The following LUZP2 variants were observed in gnomAD, a reference collection of about 807,000 sequenced individuals.
The protein encoded by LUZP2 is leucine zipper protein 2.
LUZP2 carries 52 observed loss-of-function variants against 51.6 expected under a neutral mutation model. The observed-to-expected ratio is 1.01, with a 90% confidence interval of 0.81 to 1.27. The LOEUF is 1.27. Among genes scored for constraint, LUZP2 ranks in the 50% most tolerant of loss-of-function variants. LUZP2 has a pLI of 0.00. For missense variants in LUZP2, 436 were observed against 395.4 expected (o/e 1.10, Z -0.87); for synonymous variants, 154 against 137.3 (o/e 1.12, Z -0.85).
intron 6 of LUZP2, among the ~76,000 whole-genome samples, chr11:24,908,758 C>CTT (rs34476662): frequency 7.3e-5 from 10 of 137,586 alleles, no homozygotes; most frequent in Non-Finnish European, 1.4e-4. Flanking sequence ...TGTTTTTTTT[C>CTT]TTTTTTTTTT....
At chr11:25,075,078 A>G (rs1242671498) in intron 10 of LUZP2, among the ~76,000 whole-genome samples, 1 of 152,204 alleles carries the variant, frequency 6.6e-6, no homozygotes, top group Admixed American at 6.5e-5. Flanking sequence ...TAATAAAAAC[A>G]GCAGCCAATT....
chr11:24,820,666 A>G (rs1850330337), intron 5 of LUZP2, among the ~76,000 whole-genome samples: 4 of 152,132 alleles, frequency 2.6e-5, no homozygotes. Flanking sequence ...TTAATGACTC[A>G]CTGGAAAAGG....
intron 9 of LUZP2, among the ~76,000 whole-genome samples, chr11:25,024,660 G>A (rs2133979839): frequency 6.6e-6 from 1 of 152,192 alleles, no homozygotes; most frequent in African/African-American, 2.4e-5. Context: ...ACAAACAAAT[G>A]GAAGAACATT....
At chr11:24,578,643 C>A (rs7118822) in intron 1 of LUZP2, among the ~76,000 whole-genome samples, 59,856 of 151,518 alleles carry the variant, frequency 0.4, 12,057 homozygotes, top group Middle Eastern at 0.52. Context: ...AACATGGATG[C>A]AGCTGGAGGC....
Position 25,078,655 on chromosome 11 carries a change from G to A in LUZP2, c.1038G>A (p.Leu346=), listed in dbSNP as rs1444585301. 1 of 1,595,862 alleles carries A rather than the reference G, an allele frequency of 6.3e-7. No homozygotes were observed. Among genetic ancestry groups the A allele is most frequent in the South Asian group, 1.1e-5 (1 of 87,970 alleles). Residue 346 remains leucine, a synonymous_variant, in exon 12 of 12, where the codon CTG becomes CTA. Transcript: ENST00000336930. ...EGMAAREEKI[L] ...TGGCAGCTAGAGAAGAAAAAATACT[G>A]TAAATACTAAGAAACTGTGTTAAAA...
intron 5 of LUZP2, among the ~76,000 whole-genome samples, chr11:24,886,609 G>A (rs909898862): frequency 6.6e-6 from 1 of 152,090 alleles, no homozygotes; most frequent in South Asian, 2.1e-4. Context: ...ATTTTAAAAT[G>A]CATTAGTCTG....
chr11:24,936,570 G>A (rs554388525), intron 7 of LUZP2, among the ~76,000 whole-genome samples: 1 of 151,312 alleles, frequency 6.6e-6, no homozygotes. Context: ...AATAATGACT[G>A]TTGGAGAAGC....
chr11:24,670,227 A>G (rs7944845), intron 1 of LUZP2, among the ~76,000 whole-genome samples: 29,112 of 151,936 alleles, frequency 0.19, 2,891 homozygotes, highest in East Asian at 0.33. Flanking sequence ...TGGTATTGAC[A>G]GCTCTGTGAC....
intron 9 of LUZP2, among the ~76,000 whole-genome samples, chr11:25,029,716 T>A (rs7935430): frequency 6.8e-6 from 1 of 146,058 alleles, no homozygotes; most frequent in South Asian, 2.2e-4. Context: ...CAGCCTGGAT[T>A]ACAGAGAGAG....
chr11:24,911,598 G>C (rs1853639170), intron 6 of LUZP2, among the ~76,000 whole-genome samples: 1 of 152,086 alleles, frequency 6.6e-6, no homozygotes, highest in African/African-American at 2.4e-5. Context: ...ATGATTATAA[G>C]TGTCCTGAGG....
At chr11:24,546,032 C>T (rs949098041) in intron 1 of LUZP2, among the ~76,000 whole-genome samples, 1 of 151,830 alleles carries the variant, frequency 6.6e-6, no homozygotes, top group African/African-American at 2.4e-5. Context: ...GTATTTTATG[C>T]TTTTTTAGCA....
chr11:24,792,112 C>G (rs922733456), intron 5 of LUZP2, among the ~76,000 whole-genome samples: 4 of 151,810 alleles, frequency 2.6e-5, no homozygotes, highest in African/African-American at 9.7e-5. Context: ...ACCTACCTAT[C>G]TTGCATTTCT....
At chr11:24,653,679 C>T (rs367645288) in intron 1 of LUZP2, among the ~76,000 whole-genome samples, 107 of 152,118 alleles carry the variant, frequency 7.0e-4, no homozygotes, top group African/African-American at 1.0e-3. Flanking sequence ...CTGCACCTAC[C>T]GCTGGGGTTG....
intron 7 of LUZP2, among the ~76,000 whole-genome samples, chr11:24,919,679 G>T (rs1196785207): frequency 6.7e-6 from 1 of 148,736 alleles, no homozygotes; most frequent in African/African-American, 2.4e-5. Context: ...TATATATAAT[G>T]ATTTAAATTT....
chr11:24,793,370 A>G (rs923768679), intron 5 of LUZP2, among the ~76,000 whole-genome samples: 4 of 152,138 alleles, frequency 2.6e-5, no homozygotes, highest in Non-Finnish European at 5.9e-5. Context: ...TCTGCACTCT[A>G]TGGGTCTTTC....
chr11:24,788,795 G>C (rs1194234526), intron 5 of LUZP2, among the ~76,000 whole-genome samples: 1 of 152,092 alleles, frequency 6.6e-6, no homozygotes, highest in African/African-American at 2.4e-5. Flanking sequence ...ATCTGCTGCT[G>C]AATTCCCTCT....
intron 9 of LUZP2, among the ~76,000 whole-genome samples, chr11:25,024,548 T>C (rs1857428382): frequency 6.6e-6 from 1 of 152,108 alleles, no homozygotes; most frequent in African/African-American, 2.4e-5. Context: ...CCATTTACAA[T>C]TGCTTCAAAG....
At chr11:24,936,698 T>G (rs1262626912) in intron 7 of LUZP2, among the ~76,000 whole-genome samples, 2 of 152,142 alleles carry the variant, frequency 1.3e-5, no homozygotes, top group Non-Finnish European at 2.9e-5. Context: ...TTGTATTCAC[T>G]TTTTCTATAG....
At position 24,637,621 on chromosome 11, in the gene LUZP2, G is replaced by T. The variant is rs180983149; in HGVS notation, c.63-91548G>T. 1.4e-3 allele frequency among the ~76,000 whole-genome samples: 219 copies of T among 151,860 alleles called. 1 individual carries two copies. The South Asian group carries it at 0.019, about 13-fold the overall frequency. On this transcript the variant is annotated intron_variant, in intron 1 of 11. Transcript: ENST00000336930. ...ATTCCTGGGGGGCGGTCTATGAACGGCCGCTCTAGGGGTGTCTGTCTTATG... is the reference window on the plus strand; with the variant it reads ...ATTCCTGGGGGGCGGTCTATGAACGTCCGCTCTAGGGGTGTCTGTCTTATG...
Sources: gnomAD v4.1 joint callset for allele counts (sites outside exome capture counted in the v4.1 genomes callset) on GRCh38, gnomAD v4.1.1 for gene constraint, MANE v1.5 for transcripts, NCBI Gene and HGNC (gene_info 2026-07-23, HGNC 2026-07-21) for gene names.